The following EPHA2 variants were observed in gnomAD, a reference collection of about 807,000 sequenced individuals.
The protein encoded by EPHA2 is EPH receptor A2, also known as ephrin type-A receptor 2.
A neutral mutation model predicts 104.9 loss-of-function variants in EPHA2; 54 were observed. The ratio of observed to expected loss-of-function variants is 0.51; its 90% CI spans 0.41 to 0.65. EPHA2 has a LOEUF of 0.65. Among genes scored for constraint, EPHA2 ranks in the 30% least tolerant of loss-of-function variants. The pLI is 0.00. For missense variants in EPHA2, 1,117 were observed against 1,369.5 expected (o/e 0.82, Z 2.91); for synonymous variants, 560 against 559.1 (o/e 1.00, Z -0.02).
chr1:16,133,424 C>G, intron 10 of EPHA2, 56 bp from the exon 11 acceptor site: 1 of 1,613,974 alleles, frequency 6.2e-7, no homozygotes, highest in Admixed American at 1.7e-5. Flanking sequence ...TGAGGGCTCC[C>G]ACACTGTGTC....
chr1:16,145,583 C>T (rs889979230), intron 3 of EPHA2, among the ~76,000 whole-genome samples: 7 of 152,090 alleles, frequency 4.6e-5, no homozygotes, highest in East Asian at 1.9e-4. Context: ...GGGGAGGGTC[C>T]GGCAGGGAGG....
At position 16,125,456 on chromosome 1, in the gene EPHA2, T is replaced by C. The variant is rs1289967382; in HGVS notation, c.2826-136A>G. The C allele has an allele frequency of 3.9e-4, 262 of 675,584 alleles. 4 individuals are homozygous for C. Among genetic ancestry groups the C allele is most frequent in the Non-Finnish European group, 2.5e-5 (10 of 397,650 alleles). The allele number at this position is 675,584 out of a possible 1,614,324, so 41.8% of individuals were successfully genotyped here. ...AGAGGAGGAGGGTGGAGAGGGTGCC[T>C]TGGGGACCTGTAGGGCAAGAGAGCT... On this transcript the variant is annotated intron_variant, in intron 16 of 16. Transcript: ENST00000358432. The surrounding 1 kb of genome is among the most constrained non-coding windows in gnomAD (Gnocchi z 4.9).
intron 16 of EPHA2, among the ~76,000 whole-genome samples, chr1:16,127,685 A>G (rs1182543922): frequency 6.6e-6 from 1 of 152,170 alleles, no homozygotes; most frequent in African/African-American, 2.4e-5. Context: ...AAAGAGGCAG[A>G]GGGGAAGGAG....
At chr1:16,144,310 C>T (rs1475520702) in intron 3 of EPHA2, among the ~76,000 whole-genome samples, 1 of 152,254 alleles carries the variant, frequency 6.6e-6, no homozygotes, top group Non-Finnish European at 1.5e-5. Flanking sequence ...CCAGAAGAAA[C>T]ATCACAGAAA....
intron 1 of EPHA2, among the ~76,000 whole-genome samples, chr1:16,152,832 A>G: frequency 6.6e-6 from 1 of 152,160 alleles, no homozygotes; most frequent in South Asian, 2.1e-4. Context: ...GGAGAAGAAA[A>G]GAAGCCCTCA....
At chr1:16,133,125 G>A (rs2024610816) in intron 11 of EPHA2, 55 bp downstream of exon 11, 2 of 1,606,752 alleles carry the variant, frequency 1.2e-6, no homozygotes, top group Non-Finnish European at 1.7e-6. Context: ...GTCACAGACA[G>A]AGCCCCTGCT....
chr1:16,129,416 G>A lies in EPHA2; in HGVS notation c.2825+18C>T, dbSNP rs770944034. ...GGGAGGCGGGAGGCGAGGGGGGACG[G>A]AAAGGGGCCTGACTTACTCGTTGGT... On this transcript the variant is annotated intron_variant, in intron 16 of 16. Transcript: ENST00000358432. 1 of 1,611,170 alleles carries A rather than the reference G, an allele frequency of 6.2e-7. No homozygotes were observed. Among genetic ancestry groups the A allele is most frequent in the Non-Finnish European group, 8.5e-7 (1 of 1,179,946 alleles).
chr1:16,129,574 G>A lies in EPHA2; in HGVS notation c.2685C>T (p.Leu895=). 1.2e-6 allele frequency: 2 copies of A among 1,611,544 alleles called. No homozygotes were observed. Among genetic ancestry groups the A allele is most frequent in the South Asian group, 2.2e-5 (2 of 91,060 alleles). Residue 895 remains leucine, a synonymous_variant, in exon 16 of 17, where the codon CTC becomes CTT. Coordinates refer to ENST00000358432, the MANE Select transcript of EPHA2 (RefSeq NM_004431.5). The part of the protein sequence containing the change: ...ADFDPRVSIR[L]PSTSGSEGVP... ...CCCCCTCCGAGCCGCTCGTGCTGGGGAGCCGGATAGACACGCTGCAACAGG... is the reference window on the plus strand; with the variant it reads ...CCCCCTCCGAGCCGCTCGTGCTGGGAAGCCGGATAGACACGCTGCAACAGG...
At chr1:16,152,678 C>G (rs980872157) in intron 1 of EPHA2, among the ~76,000 whole-genome samples, 1 of 152,110 alleles carries the variant, frequency 6.6e-6, no homozygotes, top group Admixed American at 6.5e-5. Context: ...AGTCCTGCAG[C>G]CCCCCCTTAG....
chr1:16,135,057 C>CCTTG lies in EPHA2; in HGVS notation c.1557_1560dup (p.Val521GlnfsTer76). 6.2e-7 allele frequency: 1 copy of CCTTG among 1,613,324 alleles called. No individual in the cohort carries two copies. The highest frequency in any genetic ancestry group is 8.5e-7 in the Non-Finnish European group (1 of 1,180,032). ...TCACACAGCGTCTGGAATTCGTGCA[C>CCTTG]CTTGCTGCCGGCCCCCTGGCCCTCC... On this transcript the variant is annotated frameshift_variant, in exon 7 of 17. Coordinates refer to ENST00000358432, the MANE Select transcript of EPHA2 (RefSeq NM_004431.5). LOFTEE classifies it high-confidence loss of function. This position sits in a 1 kb window ranked among gnomAD's most constrained non-coding sequence, Gnocchi z 4.3.
In EPHA2 at chr1:16,135,763, G is replaced by T. The variant is rs1255257319; in HGVS notation, c.1320C>A (p.Pro440=). The T allele has an allele frequency of 1.2e-6, 2 of 1,611,912 alleles. No homozygotes were observed. The highest frequency in any genetic ancestry group is 1.1e-5 in the South Asian group (1 of 91,018). ...TGCTGCGGCCCTCCAGCCTCACCTT[G>T]GGGGGCTCTGGGCAGGACAGGCAGT... ...ASVSINQTEP[P]KVRLEGRSTT... Residue 440 remains proline, a synonymous_variant, in exon 6 of 17, where the codon CCC becomes CCA. Transcript: ENST00000358432. This position sits in a 1 kb window ranked among gnomAD's most constrained non-coding sequence, Gnocchi z 4.3.
chr1:16,149,105 G>A (rs1254764883), intron 2 of EPHA2, 58 bp from the exon 3 acceptor site: 1 of 1,580,698 alleles, frequency 6.3e-7, no homozygotes, highest in African/African-American at 1.3e-5. Context: ...TGAGGCCCAG[G>A]TGGCAGAGTA....
Position 16,138,171 on chromosome 1 carries a change from G to T in EPHA2, c.994C>A (p.Pro332Thr). The T allele has an allele frequency of 6.2e-7, 1 of 1,609,278 alleles. No individual in the cohort carries two copies. The highest frequency in any genetic ancestry group is 8.5e-7 in the Non-Finnish European group (1 of 1,179,894). ...ATGCCCACGGCTGTGAGGTAGTGTG[G>T]GGCGGAGGGGGGTCCTGCACAGACA... ...SMPCTRPPSA[P>T]HYLTAVGMGA... Residue 332 changes from proline to threonine, a missense_variant, in exon 5 of 17, where the codon CCA becomes ACA. Physicochemically the swap from Pro to Thr is conservative, Grantham distance 38. This residue lies in a region of EPHA2 where 664 missense variants were observed against 784.8 expected (regional missense o/e 0.85). Coordinates refer to ENST00000358432, the MANE Select transcript of EPHA2 (RefSeq NM_004431.5).
intron 3 of EPHA2, among the ~76,000 whole-genome samples, chr1:16,145,000 T>C (rs1253182959): frequency 6.6e-6 from 1 of 152,090 alleles, no homozygotes; most frequent in African/African-American, 2.4e-5. Context: ...GGAGGGGACC[T>C]CCCCAAGGGG....
intron 1 of EPHA2, among the ~76,000 whole-genome samples, chr1:16,152,512 G>A (rs181833277): frequency 2.0e-4 from 30 of 152,098 alleles, no homozygotes; most frequent in Non-Finnish European, 3.1e-4. Flanking sequence ...TGGGGGCAGC[G>A]GGGTGGGCAG....
In EPHA2 at chr1:16,131,814, G is replaced by T. The variant is rs763110783; in HGVS notation, c.2382C>A (p.Phe794Leu). The T allele has an allele frequency of 1.2e-6, 2 of 1,614,004 alleles. No homozygotes were observed. The highest frequency in any genetic ancestry group is 8.5e-7 in the Non-Finnish European group (1 of 1,180,034). The change falls in exon 14 of 17, where the codon TTC becomes TTA. Residue 794 changes from phenylalanine (F) to leucine (L), a missense_variant. Phe to Leu is a conservative substitution (Grantham distance 22). Transcript: ENST00000358432. The surrounding 1 kb of genome is among the most constrained non-coding windows in gnomAD (Gnocchi z 5.2). Reference protein sequence around the residue: ...TAPEAISYRKFTSASDVWSFG... With the variant: ...TAPEAISYRKLTSASDVWSFG... ...AGCTCCACACGTCGCTGGCAGAGGT[G>T]AACTTCCGGTAGGAAATGGCCTCCG...
intron 1 of EPHA2, among the ~76,000 whole-genome samples, chr1:16,151,468 G>A (rs983434227): frequency 1.3e-5 from 2 of 152,176 alleles, no homozygotes; most frequent in African/African-American, 4.8e-5. Flanking sequence ...CCCCACTCAG[G>A]TCATGTAGCA....
rs1263722422 is a variant in EPHA2, at chr1:16,130,499, C to T, written c.2476-80G>A. 5 of 1,390,568 alleles carry T rather than the reference C, an allele frequency of 3.6e-6. No homozygotes were observed. The South Asian group carries it at 7.8e-5, about 22-fold the overall frequency. 86.1% of individuals were successfully genotyped at this position (1,390,568 alleles called of 1,614,324 possible). A position where few individuals can be genotyped will look rare whatever the true frequency, so the allele number is the denominator to read the frequency against. On this transcript the variant is annotated intron_variant, in intron 14 of 16. Coordinates refer to ENST00000358432, the MANE Select transcript of EPHA2 (RefSeq NM_004431.5). The surrounding 1 kb of genome is among the most constrained non-coding windows in gnomAD (Gnocchi z 4.5). ...GCAGCCTCCAGCCTATGGAGGTGGG[C>T]AGGGGAGGGGAGGGGAACAGGAACA...
At position 16,135,172 on chromosome 1, in the gene EPHA2, G is replaced by A; in HGVS notation, c.1446C>T (p.Tyr482=). 6.2e-7 allele frequency: 1 copy of A among 1,613,892 alleles called. No homozygotes were observed. Among genetic ancestry groups the A allele is most frequent in the Non-Finnish European group, 8.5e-7 (1 of 1,179,954 alleles). The part of the protein sequence containing the change: ...TYRKKGDSNS[Y]NVRRTEGFSV... The stretch of plus-strand genomic sequence containing the variant: ...AGAAACCCTCGGTGCGGCGCACATT[G>A]TAGCTGTTGGAGTCTCCCTGTGGGT... Residue 482 remains tyrosine (Y), a synonymous_variant, in exon 7 of 17, where the codon TAC becomes TAT. Coordinates refer to ENST00000358432, the MANE Select transcript of EPHA2 (RefSeq NM_004431.5). This position sits in a 1 kb window ranked among gnomAD's most constrained non-coding sequence, Gnocchi z 4.3.
Sources: gnomAD v4.1 joint callset for allele counts (sites outside exome capture counted in the v4.1 genomes callset) on GRCh38, gnomAD v4.1.1 for gene constraint, gnomAD v4.1.1 regional missense constraint, Gnocchi (gnomAD v3.1) non-coding constraint, MANE v1.5 for transcripts, NCBI Gene and HGNC (gene_info 2026-07-23, HGNC 2026-07-21) for gene names.